RASGRP3: variants seen among roughly 807,000 people sequenced by gnomAD.
RASGRP3 encodes ras guanyl-releasing protein 3.
RASGRP3 carries 54 observed loss-of-function variants against 82.7 expected under a neutral mutation model. The observed-to-expected ratio is 0.65, with a 90% CI of 0.52 to 0.82. The LOEUF (loss-of-function observed/expected upper bound fraction) is 0.82, where lower values mean the gene tolerates loss of function less well. Ranked by LOEUF, RASGRP3 falls within the 40% of genes least tolerant of loss-of-function variation. The pLI, the probability that RASGRP3 is intolerant of heterozygous loss-of-function variation, is 0.00. For missense variants in RASGRP3, 861 were observed against 828.9 expected (o/e 1.04, Z -0.48); for synonymous variants, 309 against 300.5 (o/e 1.03, Z -0.29).
At chr2:33,481,236 A>G (rs1667866409) in intron 1 of RASGRP3, 1 of 152,268 alleles carries the variant, frequency 6.6e-6, no homozygotes, top group Non-Finnish European at 1.5e-5. Flanking sequence ...ATCTCGGCTC[A>G]CTGCAAGCTC....
intron 1 of RASGRP3, among the ~76,000 whole-genome samples, chr2:33,444,228 C>A (rs1432342976): frequency 6.6e-6 from 1 of 151,938 alleles, no homozygotes; most frequent in African/African-American, 2.4e-5. Context: ...ATTGCTTGAG[C>A]CCAGTATTTC....
At chr2:33,486,188 A>T (rs1255322687) in intron 1 of RASGRP3, among the ~76,000 whole-genome samples, 1 of 143,634 alleles carries the variant, frequency 7.0e-6, no homozygotes, top group Non-Finnish European at 1.5e-5. Flanking sequence ...TGAGAGAGAG[A>T]GAGTCTCACT....
rs1339223322 is a variant in RASGRP3 at position 33,502,489 on chromosome 2, CT to C, written c.-260-9214del. ...CTTGGTCTCTTTTAACTGTCTCTTT[CT>C]TTTTTTCTTTCTTTTTTTTTTTTTT... On this transcript the variant is annotated intron_variant, in intron 1 of 17. Transcript: ENST00000403687. 2.8e-5 allele frequency among the ~76,000 whole-genome samples: 4 copies of C among 144,246 alleles called. No homozygotes were observed. In the East Asian group the frequency reaches 7.9e-4, roughly 29 times the overall value. The allele number at this position is 144,246 out of a possible 152,430, so 94.6% of individuals were successfully genotyped here. A position where few individuals can be genotyped will look rare whatever the true frequency, so the allele number is the denominator to read the frequency against.
chr2:33,531,230 T>G (rs1456521739), intron 10 of RASGRP3, among the ~76,000 whole-genome samples: 2 of 152,126 alleles, frequency 1.3e-5, no homozygotes, highest in African/African-American at 4.8e-5. Context: ...TGCAACAACT[T>G]GAAACAGTGG....
intron 1 of RASGRP3, among the ~76,000 whole-genome samples, chr2:33,484,564 C>T (rs938705683): frequency 6.6e-6 from 1 of 152,070 alleles, no homozygotes; most frequent in Admixed American, 6.5e-5. Flanking sequence ...AAGGACAGCA[C>T]CCAGTCTGAA....
chr2:33,531,870 C>A (rs776356670), intron 10 of RASGRP3: 3 of 150,898 alleles, frequency 2.0e-5, no homozygotes, highest in South Asian at 4.1e-4. Context: ...TCATCTCCAG[C>A]AGATGCTGGT....
Position 33,459,482 on chromosome 2 carries a change from A to C in RASGRP3, c.-261+11539A>C, listed in dbSNP as rs570975502. ...TGCATTGCTTTTAGTTCATTTTTGG[A>C]AAAATAACTGGAAATATAGAGCATT... On this transcript the variant is annotated intron_variant, in intron 2 of 18. Coordinates refer to the RASGRP3 transcript ENST00000402538. Among the ~76,000 whole-genome samples the C allele has an allele frequency of 1.7e-3, 262 of 152,242 alleles. 2 individuals are homozygous for C. The highest frequency in any genetic ancestry group is 2.9e-3 in the Non-Finnish European group (195 of 68,026).
intron 1 of RASGRP3, among the ~76,000 whole-genome samples, chr2:33,484,803 G>A (rs1668228227): frequency 6.6e-6 from 1 of 152,190 alleles, no homozygotes; most frequent in Non-Finnish European, 1.5e-5. Flanking sequence ...CCTTGTAGAA[G>A]GTCACAAGCC....
intron 12 of RASGRP3, 163 bp downstream of exon 12, chr2:33,539,373 G>A: frequency 1.7e-6 from 1 of 586,868 alleles, no homozygotes; most frequent in Non-Finnish European, 3.1e-6. Context: ...TGGGTCCTGG[G>A]GAGAGTCGAT....
chr2:33,549,252 C>A (rs769940546), intron 13 of RASGRP3, among the ~76,000 whole-genome samples: 9 of 152,182 alleles, frequency 5.9e-5, no homozygotes, highest in Admixed American at 1.3e-4. Context: ...ATTCTTGCAA[C>A]CTTACAGCTA....
At chr2:33,522,343 G>A (rs1304083162) in intron 7 of RASGRP3, among the ~76,000 whole-genome samples, 1 of 152,132 alleles carries the variant, frequency 6.6e-6, no homozygotes, top group Non-Finnish European at 1.5e-5. Context: ...TAGGATTAAA[G>A]CGTGATTTTT....
intron 1 of RASGRP3, among the ~76,000 whole-genome samples, chr2:33,439,169 A>G (rs936758166): frequency 6.6e-6 from 1 of 152,234 alleles, no homozygotes; most frequent in Non-Finnish European, 1.5e-5. Flanking sequence ...ACACCTATTT[A>G]TTAAGTTTTC....
rs1365678951 is a variant in RASGRP3 at position 33,558,656 on chromosome 2, C to G, written c.1706-16C>G. ...CAGTCAGATGTCAAATAATCACCAC[C>G]CTTTTTCACTTCCAGCGCAGGATGA... is the stretch of plus-strand genomic sequence containing the variant. On this transcript the variant is annotated splice_polypyrimidine_tract_variant and intron_variant, in intron 16 of 17. Coordinates refer to ENST00000403687, the MANE Select transcript of RASGRP3 (RefSeq NM_001139488.2). 3 of 1,568,900 alleles carry G rather than the reference C, an allele frequency of 1.9e-6. No homozygotes were observed. Among genetic ancestry groups the G allele is most frequent in the South Asian group, 1.2e-5 (1 of 83,538 alleles).
At chr2:33,492,994 G>T (rs1668989910) in intron 1 of RASGRP3, 1 of 152,194 alleles carries the variant, frequency 6.6e-6, no homozygotes, top group African/African-American at 2.4e-5. Context: ...ACAGGGTGAA[G>T]TATAAAGGTC....
At chr2:33,544,315 A>G (rs1674540464) in intron 13 of RASGRP3, among the ~76,000 whole-genome samples, 4 of 150,312 alleles carry the variant, frequency 2.7e-5, no homozygotes, top group Admixed American at 6.7e-5. Flanking sequence ...CTCTGTCTCA[A>G]AAAAAAAAAA....
chr2:33,487,764 A>G (rs959403545), intron 1 of RASGRP3, among the ~76,000 whole-genome samples: 5 of 152,174 alleles, frequency 3.3e-5, no homozygotes, highest in Admixed American at 1.3e-4. Context: ...CAAAACTTTG[A>G]GACTCAGAGC....
intron 1 of RASGRP3, among the ~76,000 whole-genome samples, chr2:33,505,083 A>G (rs1670233317): frequency 6.6e-6 from 1 of 152,000 alleles, no homozygotes; most frequent in Non-Finnish European, 1.5e-5. Context: ...ACTGTGACCA[A>G]CATGAAGAGC....
In RASGRP3 at chr2:33,552,549, T is replaced by C. The variant is rs187305743; in HGVS notation, c.1542+2798T>C. Among the ~76,000 whole-genome samples the C allele has an allele frequency of 5.2e-3, 787 of 151,280 alleles. 6 individuals are homozygous for C. The highest frequency in any genetic ancestry group is 0.019 in the African/African-American group (759 of 40,554). ...ACTGACACTCATGTCAAAAAGCCCA[T>C]TGGTTTTCAAAGGAATTTATAACTA... On this transcript the variant is annotated intron_variant, in intron 14 of 17. Transcript: ENST00000403687.
At chr2:33,467,030 C>T (rs952692586) in intron 2 of RASGRP3, among the ~76,000 whole-genome samples, 1 of 151,670 alleles carries the variant, frequency 6.6e-6, no homozygotes, top group Middle Eastern at 3.2e-3. Flanking sequence ...GAGTGTTTTG[C>T]ACAGGTGTTA....
Sources: gnomAD v4.1 joint callset for allele counts (sites outside exome capture counted in the v4.1 genomes callset) on GRCh38, gnomAD v4.1.1 for gene constraint, MANE v1.5 for transcripts, NCBI Gene and HGNC (gene_info 2026-07-23, HGNC 2026-07-21) for gene names.